LRP1B: variants seen among roughly 807,000 people sequenced by gnomAD.
LRP1B encodes LDL receptor related protein 1B.
Under a neutral mutation model 556.6 loss-of-function variants are expected in LRP1B, and 217 were observed. That is an observed-to-expected ratio of 0.39 (90% CI 0.35 to 0.44). The LOEUF (loss-of-function observed/expected upper bound fraction) is 0.44. Ranked by LOEUF, LRP1B falls within the 20% of genes least tolerant of loss-of-function variation. The pLI is 1.00. For missense variants in LRP1B, 5,053 were observed against 5,620.8 expected, an observed-to-expected ratio of 0.90 and a Z score of 3.23; for synonymous variants, 2,047 against 1,865.8, an observed-to-expected ratio of 1.10 and a Z score of -2.50.
intron 1 of LRP1B, among the ~76,000 whole-genome samples, chr2:142,062,265 A>C (rs11677754): frequency 0.43 from 65,677 of 151,606 alleles, 16,099 homozygotes; most frequent in East Asian, 0.68. Flanking sequence ...AAATCAGCCT[A>C]GCTGCTACTC....
intron 81 of LRP1B, among the ~76,000 whole-genome samples, chr2:140,323,662 T>C (rs1680287755): frequency 6.6e-6 from 1 of 151,978 alleles, no homozygotes; most frequent in Admixed American, 6.6e-5. Context: ...GAAAGACAGT[T>C]TTAATTTCAA....
At chr2:140,635,430 A>T (rs868847597) in intron 41 of LRP1B, among the ~76,000 whole-genome samples, 5 of 148,198 alleles carry the variant, frequency 3.4e-5, no homozygotes, top group Middle Eastern at 3.6e-3. Context: ...GCTGTAAGTT[A>T]AAAAAAAAAT....
intron 2 of LRP1B, among the ~76,000 whole-genome samples, chr2:141,690,831 A>G (rs375224976): frequency 1.8e-4 from 28 of 151,968 alleles, no homozygotes; most frequent in African/African-American, 6.5e-4. Context: ...GCTGCAGTCC[A>G]TCATATAAAA....
chr2:141,094,605 C>T (rs1467263721), intron 7 of LRP1B, among the ~76,000 whole-genome samples: 6 of 152,138 alleles, frequency 3.9e-5, no homozygotes, highest in Admixed American at 3.9e-4. Flanking sequence ...AACCATTCAA[C>T]CTTTCCCACT....
At chr2:141,202,036 G>T (rs1012451476) in intron 6 of LRP1B, among the ~76,000 whole-genome samples, 1 of 151,158 alleles carries the variant, frequency 6.6e-6, no homozygotes, top group Non-Finnish European at 1.5e-5. Context: ...TGCCATGATG[G>T]TTTGCCACAC....
chr2:141,851,961 G>A (rs984467585), intron 1 of LRP1B, among the ~76,000 whole-genome samples: 6 of 151,620 alleles, frequency 4.0e-5, no homozygotes, highest in African/African-American at 1.2e-4. Flanking sequence ...ATTTTAAAGC[G>A]GTGGCCCAAA....
chr2:141,254,454 G>A, intron 4 of LRP1B, 68 bp downstream of exon 4: 2 of 1,517,834 alleles, frequency 1.3e-6, no homozygotes, highest in Middle Eastern at 3.4e-4. Flanking sequence ...GCTCAAAGAT[G>A]TCTGCTTACA....
chr2:140,407,089 GA>G lies in LRP1B; in HGVS notation c.10415-21081del, dbSNP rs200967770. On this transcript the variant is annotated intron_variant, in intron 66 of 90. Coordinates refer to ENST00000389484, the MANE Select transcript of LRP1B (RefSeq NM_018557.3). ...GAGAGTATACAGAAACATAAACTGG[GA>G]AAAGTACATCCCATTCAATAAATGG... Among the ~76,000 whole-genome samples, 707 of 152,106 alleles carry G rather than the reference GA, an allele frequency of 4.6e-3. 5 individuals carry two copies. The highest frequency in any genetic ancestry group is 0.016 in the African/African-American group (648 of 41,516).
intron 90 of LRP1B, among the ~76,000 whole-genome samples, chr2:140,234,355 C>T (rs1206935530): frequency 6.6e-6 from 1 of 151,154 alleles, no homozygotes. Flanking sequence ...TTTGTTAGAC[C>T]GTCTGTAATT....
At chr2:141,159,923 A>G (rs1031184786) in intron 7 of LRP1B, among the ~76,000 whole-genome samples, 2 of 152,094 alleles carry the variant, frequency 1.3e-5, no homozygotes, top group African/African-American at 2.4e-5. Flanking sequence ...GTTCTCACTT[A>G]TAAGTGGGAA....
chr2:140,601,381 A>G, intron 42 of LRP1B, 69 bp downstream of exon 42: 1 of 1,218,942 alleles, frequency 8.2e-7, no homozygotes, highest in Non-Finnish European at 1.1e-6. Context: ...AATTCTTAAA[A>G]TTAACAGAAC....
chr2:140,404,494 A>G (rs1684649411), intron 66 of LRP1B, among the ~76,000 whole-genome samples: 1 of 152,158 alleles, frequency 6.6e-6, no homozygotes, highest in African/African-American at 2.4e-5. Flanking sequence ...TAAAAGCATA[A>G]TTCACAGGGT....
intron 41 of LRP1B, among the ~76,000 whole-genome samples, chr2:140,674,074 G>A (rs1304447143): frequency 1.3e-5 from 2 of 151,306 alleles, no homozygotes; most frequent in Admixed American, 6.6e-5. Flanking sequence ...TCAGCCCCCT[G>A]AGAAGCTGGG....
At chr2:141,286,403 G>T (rs1261280960) in intron 3 of LRP1B, among the ~76,000 whole-genome samples, 1 of 151,982 alleles carries the variant, frequency 6.6e-6, no homozygotes, top group African/African-American at 2.4e-5. Flanking sequence ...AAGGCTATTT[G>T]CCATTGTTAC....
chr2:140,483,347 C>T (rs114873129), intron 59 of LRP1B, among the ~76,000 whole-genome samples: 3 of 151,594 alleles, frequency 2.0e-5, no homozygotes, highest in Admixed American at 1.3e-4. Context: ...TAACTGTAAC[C>T]TGGGAGAAAT....
chr2:141,659,234 C>T (rs1214687277), intron 2 of LRP1B, among the ~76,000 whole-genome samples: 1 of 152,086 alleles, frequency 6.6e-6, no homozygotes, highest in African/African-American at 2.4e-5. Context: ...CAGGCATCGG[C>T]AAAATTTTTT....
At chr2:140,762,121 T>C (rs1489650158) in intron 35 of LRP1B, among the ~76,000 whole-genome samples, 1 of 152,016 alleles carries the variant, frequency 6.6e-6, no homozygotes, top group Non-Finnish European at 1.5e-5. Context: ...AAGCCCTGAG[T>C]CCTAATATGG....
intron 6 of LRP1B, among the ~76,000 whole-genome samples, chr2:141,205,836 A>C (rs955451680): frequency 2.0e-5 from 3 of 152,200 alleles, no homozygotes; most frequent in African/African-American, 4.8e-5. Context: ...GACAAACAAG[A>C]AAAAGATCAT....
intron 27 of LRP1B, among the ~76,000 whole-genome samples, chr2:140,857,132 A>G (rs1343324656): frequency 2.0e-5 from 3 of 152,188 alleles, no homozygotes; most frequent in African/African-American, 7.2e-5. Flanking sequence ...CTTTAAATCC[A>G]AACAACCAGT....
Sources: allele counts gnomAD v4.1 joint callset (sites outside exome capture counted in the v4.1 genomes callset), GRCh38; gene constraint gnomAD v4.1.1; transcripts MANE v1.5; gene names NCBI Gene and HGNC (gene_info 2026-07-23, HGNC 2026-07-21).